Variants in TLE1 observed in about 807,000 individuals in gnomAD.
The protein encoded by TLE1 is TLE family member 1, transcriptional corepressor.
TLE1 carries 21 observed loss-of-function variants against 89.8 expected under a neutral mutation model. That is an observed-to-expected ratio of 0.23 (90% CI 0.17 to 0.34). The LOEUF (loss-of-function observed/expected upper bound fraction) is 0.34, where lower values mean the gene tolerates loss of function less well. Among genes scored for constraint, TLE1 ranks in the 10% least tolerant of loss-of-function variants. TLE1 has a pLI of 1.00. For missense variants in TLE1, 795 were observed against 1,031.2 expected (o/e 0.77, Z 3.14); for synonymous variants, 447 against 407.6 (o/e 1.10, Z -1.16).
chr9:81,588,196 C>T (rs966030872), intron 16 of TLE1, among the ~76,000 whole-genome samples: 2 of 152,128 alleles, frequency 1.3e-5, no homozygotes, highest in Non-Finnish European at 2.9e-5. Flanking sequence ...CACACAAAAT[C>T]CCGATTGTAT....
chr9:81,654,114 C>G lies in TLE1; in HGVS notation c.235-78G>C. 2.3e-6 allele frequency: 3 copies of G among 1,303,754 alleles called. No individual in the cohort carries two copies. In the South Asian group the frequency reaches 3.6e-5, roughly 16 times the overall value. 80.8% of individuals were successfully genotyped at this position (1,303,754 alleles called of 1,614,324 possible). ...AAGGTAAAACTTCATACCCCTAACA[C>G]TTCAGTCCTCCTCTCCCTTGCTCTG... On this transcript the variant is annotated intron_variant, in intron 4 of 19. Transcript: ENST00000376499.
chr9:81,624,777 T>TA lies in TLE1; in HGVS notation c.595-4221dup, dbSNP rs561154863. The stretch of plus-strand genomic sequence containing the variant: ...CTGTATGTAAGTTTTCATTTAAAAT[T>TA]AAAAAAATAAACAAATAAACAAAAT... On this transcript the variant is annotated intron_variant, in intron 8 of 19. Coordinates refer to ENST00000376499, the MANE Select transcript of TLE1 (RefSeq NM_005077.5). 4.6e-5 allele frequency among the ~76,000 whole-genome samples: 7 copies of TA among 152,146 alleles called. No individual in the cohort carries two copies. The South Asian group carries it at 8.3e-4, about 18-fold the overall frequency.
chr9:81,606,721 C>A (rs1289396251), intron 14 of TLE1, among the ~76,000 whole-genome samples: 1 of 151,528 alleles, frequency 6.6e-6, no homozygotes, highest in Non-Finnish European at 1.5e-5. Context: ...CACATGTATA[C>A]CTATGTAACA....
intron 14 of TLE1, chr9:81,599,902 T>G: frequency 2.0e-6 from 1 of 511,010 alleles, no homozygotes; most frequent in Non-Finnish European, 3.6e-6. Context: ...TCTATTTTCA[T>G]TTATTTTTTT....
At chr9:81,639,395 C>T (rs1378601513) in intron 6 of TLE1, among the ~76,000 whole-genome samples, 16 of 152,208 alleles carry the variant, frequency 1.1e-4, no homozygotes, top group South Asian at 2.1e-4. Flanking sequence ...AAAACCTGCC[C>T]GTCATTTGGA....
intron 8 of TLE1, among the ~76,000 whole-genome samples, chr9:81,627,023 T>C (rs1825987474): frequency 6.6e-6 from 1 of 152,224 alleles, no homozygotes; most frequent in South Asian, 2.1e-4. Flanking sequence ...CTGTGCCTCT[T>C]TGCTCTCCAG....
chr9:81,650,329 G>A (rs1829386045), intron 6 of TLE1, among the ~76,000 whole-genome samples: 2 of 152,192 alleles, frequency 1.3e-5, no homozygotes, highest in African/African-American at 4.8e-5. Context: ...GAATTTAAAC[G>A]TCAGAGTTTT....
At chr9:81,617,348 T>A (rs963570222) in intron 9 of TLE1, among the ~76,000 whole-genome samples, 12 of 152,200 alleles carry the variant, frequency 7.9e-5, no homozygotes, top group African/African-American at 2.9e-4. Flanking sequence ...CATAAAGCTA[T>A]CATATTTACT....
intron 8 of TLE1, among the ~76,000 whole-genome samples, chr9:81,632,241 A>G (rs1826732451): frequency 6.6e-6 from 1 of 151,894 alleles, no homozygotes; most frequent in Non-Finnish European, 1.5e-5. Context: ...CCCTCTCAAC[A>G]TTTTCCAGAG....
chr9:81,613,716 A>G (rs1222228693), intron 11 of TLE1, among the ~76,000 whole-genome samples, 195 bp from the exon 12 acceptor site: 1 of 151,928 alleles, frequency 6.6e-6, no homozygotes, highest in African/African-American at 2.4e-5. Flanking sequence ...CAGAATTAAA[A>G]CTCGAGCTAG....
chr9:81,655,619 T>C (rs1319172328), intron 4 of TLE1, among the ~76,000 whole-genome samples: 2 of 152,130 alleles, frequency 1.3e-5, no homozygotes, highest in East Asian at 3.9e-4. Context: ...AGGCCCATCC[T>C]TGACCTTACT....
intron 4 of TLE1, among the ~76,000 whole-genome samples, chr9:81,667,265 T>C (rs1245916574): frequency 6.6e-6 from 1 of 151,346 alleles, no homozygotes; most frequent in Non-Finnish European, 1.5e-5. Context: ...GGTGTAGTGG[T>C]GCACACCTGT....
chr9:81,651,936 C>T lies in TLE1; in HGVS notation c.372+278G>A, dbSNP rs184614318. Among the ~76,000 whole-genome samples, 88 of 151,706 alleles carry T rather than the reference C, an allele frequency of 5.8e-4. 3 individuals carry two copies. In the East Asian group the frequency reaches 0.013, roughly 23 times the overall value. On this transcript the variant is annotated intron_variant, in intron 6 of 19. Transcript: ENST00000376499. ...GGCCAGAGTAGGCAAAATACCAAGACCCCGGTCTGTTTAAAAAGAATTTTT... is the reference window on the plus strand; with the variant it reads ...GGCCAGAGTAGGCAAAATACCAAGATCCCGGTCTGTTTAAAAAGAATTTTT...
intron 9 of TLE1, among the ~76,000 whole-genome samples, chr9:81,617,761 C>G (rs1044279571): frequency 1.3e-5 from 2 of 151,882 alleles, no homozygotes; most frequent in Middle Eastern, 3.2e-3. Context: ...CGCGGTGGCT[C>G]AAGCCTATAA....
At chr9:81,598,043 A>G (rs1830451573) in intron 14 of TLE1, among the ~76,000 whole-genome samples, 1 of 152,190 alleles carries the variant, frequency 6.6e-6, no homozygotes, top group Admixed American at 6.5e-5. Context: ...CACAGACCCC[A>G]GAGAGGACGG....
intron 6 of TLE1, among the ~76,000 whole-genome samples, chr9:81,646,104 T>C (rs985493369): frequency 2.0e-5 from 3 of 152,150 alleles, no homozygotes; most frequent in East Asian, 1.9e-4. Flanking sequence ...ATCCTATACA[T>C]GTATCCCGGA....
At chr9:81,662,522 C>CTG (rs1934160931) in intron 4 of TLE1, among the ~76,000 whole-genome samples, 1 of 151,672 alleles carries the variant, frequency 6.6e-6, no homozygotes, top group Non-Finnish European at 1.5e-5. Flanking sequence ...ATGGTGAACC[C>CTG]TGTCTCTACT....
chr9:81,686,511 C>A (rs1322338071), intron 2 of TLE1, among the ~76,000 whole-genome samples: 1 of 152,092 alleles, frequency 6.6e-6, no homozygotes, highest in African/African-American at 2.4e-5. Context: ...ATGAGAAAGC[C>A]CCTGACAAAG....
chr9:81,602,310 A>G (rs1831044100), intron 14 of TLE1, among the ~76,000 whole-genome samples: 1 of 152,198 alleles, frequency 6.6e-6, no homozygotes, highest in Admixed American at 6.5e-5. Flanking sequence ...ACGTCGGTTT[A>G]TACAGGTCGA....
Sources: gnomAD v4.1 joint callset for allele counts (sites outside exome capture counted in the v4.1 genomes callset) on GRCh38, gnomAD v4.1.1 for gene constraint, MANE v1.5 for transcripts, NCBI Gene and HGNC (gene_info 2026-07-23, HGNC 2026-07-21) for gene names.